PIR: variants seen among roughly 807,000 people sequenced by gnomAD.
PIR encodes the protein pirin.
Under a neutral mutation model 24.2 loss-of-function variants are expected in PIR, and 22 were observed. The ratio of observed to expected loss-of-function variants is 0.91; its 90% confidence interval spans 0.65 to 1.30. The LOEUF is 1.30. PIR is among the 50% of genes most tolerant of loss of function. The pLI is 0.00. For synonymous variants in PIR, 80 were observed against 79.6 expected (o/e 1.00, Z -0.03); for missense variants, 220 against 220.3 (o/e 1.00, Z 0.01).
intron 5 of PIR, among the ~76,000 whole-genome samples, chrX:15,449,395 T>G (rs1010026768): frequency 6.3e-5 from 7 of 111,974 alleles, no homozygotes; most frequent in Non-Finnish European, 9.4e-5. Context: ...AAAGGGGAAT[T>G]TCACCAGAAT....
At chrX:15,479,697 A>G (rs759828815) in intron 3 of PIR, 32 bp downstream of exon 3, 47 of 723,976 alleles carry the variant, frequency 6.5e-5, no homozygotes, top group Non-Finnish European at 9.4e-5. Context: ...GTTTCAAAAT[A>G]CACACTTCTG....
Position 15,459,758 on chromosome X carries a change from G to GA in PIR, c.190-19dup. 3.1e-6 allele frequency: 3 copies of GA among 968,543 alleles called. No individual in the cohort carries two copies. Among genetic ancestry groups the GA allele is most frequent in the Non-Finnish European group, 4.4e-6 (3 of 677,228 alleles). 79.8% of individuals were successfully genotyped at this position (968,543 alleles called of 1,213,427 possible). A position where few individuals can be genotyped will look rare whatever the true frequency, so the allele number is the denominator to read the frequency against. On this transcript the variant is annotated intron_variant, in intron 3 of 9. Coordinates refer to ENST00000380420, the MANE Select transcript of PIR (RefSeq NM_001018109.3). Reference sequence around the variant, plus strand: ...TAGGATACCTTTGAAAAACAAACAGGAAAAAAAGTAGATCCTTTGCCTATT... The same window carrying GA: ...TAGGATACCTTTGAAAAACAAACAGGAAAAAAAAGTAGATCCTTTGCCTATT...
At chrX:15,433,753 AAAG>A (rs1555957073) in intron 5 of PIR, among the ~76,000 whole-genome samples, 1 of 3,240 alleles carries the variant, frequency 3.1e-4, no homozygotes, top group African/African-American at 1.2e-3. Context: ...GAGGAAGGAG[AAAG>A]AAGGAGGAGG....
At chrX:15,426,568 G>T (rs1017794966) in intron 5 of PIR, among the ~76,000 whole-genome samples, 1 of 112,043 alleles carries the variant, frequency 8.9e-6, no homozygotes, top group African/African-American at 3.2e-5. Context: ...GTTAAGCAGA[G>T]TTTCTAATTT....
chrX:15,396,430 T>A (rs1295753946), intron 8 of PIR, among the ~76,000 whole-genome samples: 1 of 111,959 alleles, frequency 8.9e-6, no homozygotes, highest in Non-Finnish European at 1.9e-5. Context: ...TCAGTCCGAC[T>A]GCCTCGGCAC....
chrX:15,410,283 A>G (rs957164641), intron 6 of PIR, among the ~76,000 whole-genome samples: 4 of 109,017 alleles, frequency 3.7e-5, no homozygotes, highest in African/African-American at 1.4e-4. Context: ...AACAAAACAA[A>G]AAAACTAGAA....
intron 5 of PIR, among the ~76,000 whole-genome samples, chrX:15,444,750 A>G (rs1409142611): frequency 1.8e-5 from 2 of 111,538 alleles, no homozygotes; most frequent in Admixed American, 1.9e-4. Flanking sequence ...CCACCAGCCA[A>G]GTCTTGGTAG....
chrX:15,434,279 AAG>A (rs1925670412), intron 5 of PIR, among the ~76,000 whole-genome samples: 1 of 103,990 alleles, frequency 9.6e-6, no homozygotes, highest in African/African-American at 3.5e-5. Flanking sequence ...AGAAAGAAGA[AAG>A]AGGAGAAAGA....
chrX:15,464,876 T>C (rs919047063), intron 3 of PIR, among the ~76,000 whole-genome samples: 1 of 112,310 alleles, frequency 8.9e-6, no homozygotes, highest in African/African-American at 3.2e-5. Context: ...TCAAATCATA[T>C]TCTTTTCCAT....
intron 5 of PIR, among the ~76,000 whole-genome samples, chrX:15,430,109 A>G (rs1361345792): frequency 8.9e-6 from 1 of 112,278 alleles, no homozygotes; most frequent in African/African-American, 3.2e-5. Flanking sequence ...ATCTATTTCC[A>G]CAAGAGTCAA....
intron 3 of PIR, among the ~76,000 whole-genome samples, chrX:15,473,318 G>A (rs1271615838): frequency 9.0e-6 from 1 of 111,121 alleles, no homozygotes; most frequent in Non-Finnish European, 1.9e-5. Context: ...CCTGCAATGC[G>A]TGGAACAGCC....
At chrX:15,473,801 C>T (rs999353961) in intron 3 of PIR, among the ~76,000 whole-genome samples, 3 of 112,301 alleles carry the variant, frequency 2.7e-5, no homozygotes, top group Non-Finnish European at 5.6e-5. Context: ...ATGATCCGCC[C>T]GCCTCGGCCT....
Position 15,431,075 on chromosome X carries a change from T to C in PIR, c.481-5085A>G, listed in dbSNP as rs1925489077. ...TTTCAAAAGCTCTTTATGATTTAGT[T>C]ATTTCTCAGGAAATGCACTCAAATT... On this transcript the variant is annotated intron_variant, in intron 5 of 9. Coordinates refer to ENST00000380420, the MANE Select transcript of PIR (RefSeq NM_001018109.3). Among the ~76,000 whole-genome samples, 3 of 112,083 alleles carry C rather than the reference T, an allele frequency of 2.7e-5. No individual in the cohort carries two copies. In the Admixed American group the frequency reaches 2.8e-4, roughly 11 times the overall value.
rs139066719 is a variant in PIR at position 15,418,375 on chromosome X, T to A, written c.565+7531A>T. Among the ~76,000 whole-genome samples the A allele has an allele frequency of 9.8e-5, 11 of 112,347 alleles. No homozygotes were observed. The East Asian group carries it at 3.1e-3, about 31-fold the overall frequency. ...CTTCATAATTAATGGTAACAAACAG[T>A]GTTATCTGTAAATCAGTTTACAGCA... On this transcript the variant is annotated intron_variant, in intron 6 of 9. Coordinates refer to ENST00000380420, the MANE Select transcript of PIR (RefSeq NM_001018109.3).
chrX:15,443,277 T>C, intron 5 of PIR, among the ~76,000 whole-genome samples: 2 of 111,152 alleles, frequency 1.8e-5, no homozygotes, highest in East Asian at 5.6e-4. Flanking sequence ...AAGTCTATTA[T>C]TGAGCCCTAC....
At chrX:15,432,453 A>G (rs1447441165) in intron 5 of PIR, among the ~76,000 whole-genome samples, 1 of 112,199 alleles carries the variant, frequency 8.9e-6, no homozygotes, top group Non-Finnish European at 1.9e-5. Flanking sequence ...ATTACATTAA[A>G]GTGAAGACTT....
At chrX:15,439,513 T>TCATAAGCC (rs1488385935) in intron 5 of PIR, among the ~76,000 whole-genome samples, 1 of 112,178 alleles carries the variant, frequency 8.9e-6, no homozygotes, top group Non-Finnish European at 1.9e-5. Flanking sequence ...ACTTAGCACC[T>TCATAAGCC]CATAAGCCCA....
At chrX:15,453,234 A>G (rs139819448) in intron 5 of PIR, among the ~76,000 whole-genome samples, 1,220 of 112,321 alleles carry the variant, frequency 0.011, 17 homozygotes, top group African/African-American at 0.037. Context: ...CCTTTAGCTT[A>G]GATGGCAGAC....
At chrX:15,391,729 C>T (rs973973609) in intron 8 of PIR, among the ~76,000 whole-genome samples, 1 of 111,447 alleles carries the variant, frequency 9.0e-6, no homozygotes, top group Non-Finnish European at 1.9e-5. Flanking sequence ...AACAGGTAGT[C>T]AGAGGTGCTG....
Sources: allele counts gnomAD v4.1 joint callset (sites outside exome capture counted in the v4.1 genomes callset), GRCh38; gene constraint gnomAD v4.1.1; transcripts MANE v1.5; gene names NCBI Gene and HGNC (gene_info 2026-07-23, HGNC 2026-07-21).